Variants in AGPAT5 observed in about 807,000 individuals in gnomAD.
AGPAT5 encodes 1-acyl-sn-glycerol-3-phosphate acyltransferase epsilon.
In AGPAT5, 46 loss-of-function variants were observed where a neutral mutation model predicts 45.6. The ratio of observed to expected loss-of-function variants is 1.01; its 90% confidence interval spans 0.80 to 1.29. The LOEUF (loss-of-function observed/expected upper bound fraction) is 1.29, where lower values mean the gene tolerates loss of function less well. Ranked by LOEUF, AGPAT5 falls within the 50% of genes most tolerant of loss-of-function variation. AGPAT5 has a pLI of 0.00. For missense variants in AGPAT5, 673 were observed against 450.7 expected, an observed-to-expected ratio of 1.49 and a Z score of -4.47; for synonymous variants, 272 against 167.0, an observed-to-expected ratio of 1.63 and a Z score of -4.85.
At chr8:6,732,136 T>C (rs138391492) in intron 3 of AGPAT5, among the ~76,000 whole-genome samples, 2 of 151,622 alleles carry the variant, frequency 1.3e-5, no homozygotes, top group East Asian at 3.9e-4. Flanking sequence ...CACATAAATA[T>C]CTTTAGCAGG....
intron 5 of AGPAT5, chr8:6,745,088 T>C (rs1322964141): frequency 6.6e-6 from 1 of 152,502 alleles, no homozygotes; most frequent in Non-Finnish European, 1.5e-5. Flanking sequence ...TATATTTCTC[T>C]GGAAAGAGTG....
At chr8:6,747,856 C>G in intron 6 of AGPAT5, 28 bp downstream of exon 6, 1 of 1,611,588 alleles carries the variant, frequency 6.2e-7, no homozygotes, top group Non-Finnish European at 8.5e-7. Context: ...CCTGAAATGC[C>G]TGTACACGGT....
At chr8:6,746,700 A>C (rs901928590) in intron 5 of AGPAT5, among the ~76,000 whole-genome samples, 1 of 151,874 alleles carries the variant, frequency 6.6e-6, no homozygotes, top group African/African-American at 2.4e-5. Context: ...GCATTTTAAA[A>C]CCTCTTGTGT....
intron 2 of AGPAT5, among the ~76,000 whole-genome samples, chr8:6,727,307 T>C (rs1800720725): frequency 6.6e-6 from 1 of 152,194 alleles, no homozygotes; most frequent in African/African-American, 2.4e-5. Flanking sequence ...GTTAGCTTAT[T>C]TCTCTCTCGA....
intron 1 of AGPAT5, among the ~76,000 whole-genome samples, chr8:6,714,798 G>T (rs1342469866): frequency 6.6e-6 from 1 of 152,156 alleles, no homozygotes. Context: ...TACCTATGGG[G>T]ATACCTCTGT....
chr8:6,748,792 A>G lies in AGPAT5; in HGVS notation c.745+964A>G, dbSNP rs151257161. Among the ~76,000 whole-genome samples, 1,195 of 152,200 alleles carry G rather than the reference A, an allele frequency of 7.9e-3. 13 individuals are homozygous for G. The highest frequency in any genetic ancestry group is 0.015 in the South Asian group (71 of 4,820). The stretch of plus-strand genomic sequence containing the variant: ...ATGAGCTTTGTGTTTTTACCTCATC[A>G]GCTGTTTGGGGTTGAGCCACTATGT... On this transcript the variant is annotated intron_variant, in intron 6 of 7. Transcript: ENST00000285518.
intron 5 of AGPAT5, among the ~76,000 whole-genome samples, chr8:6,744,048 A>T (rs557370527): frequency 8.8e-4 from 134 of 152,232 alleles, no homozygotes; most frequent in Admixed American, 2.0e-3. Flanking sequence ...TTTATGTCTC[A>T]AACATCATAT....
intron 4 of AGPAT5, among the ~76,000 whole-genome samples, chr8:6,740,016 A>T (rs1039538809): frequency 1.3e-5 from 2 of 152,020 alleles, no homozygotes; most frequent in African/African-American, 2.4e-5. Context: ...TCACTTGTCC[A>T]TGAAGGGAAG....
intron 7 of AGPAT5, 139 bp from the exon 8 acceptor site, chr8:6,757,024 T>C (rs1001987516): frequency 1.6e-6 from 1 of 638,410 alleles, no homozygotes. Context: ...TAAACCAAGT[T>C]TCTGGATGTT....
At chr8:6,728,594 T>C (rs933504596) in intron 2 of AGPAT5, among the ~76,000 whole-genome samples, 11 of 152,330 alleles carry the variant, frequency 7.2e-5, no homozygotes, top group Admixed American at 5.9e-4. Context: ...TAAAACCATT[T>C]GTTTTAAAAT....
intron 1 of AGPAT5, among the ~76,000 whole-genome samples, chr8:6,720,257 C>CA (rs34687339): frequency 1.3e-5 from 2 of 151,380 alleles, no homozygotes; most frequent in Non-Finnish European, 3.0e-5. Context: ...ATCAACTTAT[C>CA]AAAAAAAAAA....
chr8:6,717,248 C>G (rs1426846224), intron 1 of AGPAT5, among the ~76,000 whole-genome samples: 1 of 152,128 alleles, frequency 6.6e-6, no homozygotes, highest in East Asian at 1.9e-4. Context: ...GAAATCAAAA[C>G]CCCAAATAAG....
Position 6,741,646 on chromosome 8 carries a change from C to T in AGPAT5, c.496-15C>T. ...GCTCACACAAAATAAACCAAATTTGCTCTATGTCCCACAGATGTATCTTGT... is the reference window on the plus strand; with the variant it reads ...GCTCACACAAAATAAACCAAATTTGTTCTATGTCCCACAGATGTATCTTGT... On this transcript the variant is annotated splice_polypyrimidine_tract_variant and intron_variant, in intron 4 of 7. Coordinates refer to ENST00000285518, the MANE Select transcript of AGPAT5 (RefSeq NM_018361.5). The T allele has an allele frequency of 6.4e-7, 1 of 1,563,312 alleles. No individual in the cohort carries two copies. The highest frequency in any genetic ancestry group is 1.2e-5 in the South Asian group (1 of 82,270).
chr8:6,729,834 A>G (rs975620788), intron 2 of AGPAT5, among the ~76,000 whole-genome samples: 2 of 152,156 alleles, frequency 1.3e-5, no homozygotes, highest in African/African-American at 4.8e-5. Context: ...TTAATAACAT[A>G]TTTATTTAAC....
chr8:6,725,080 T>C (rs762048793), intron 2 of AGPAT5, 141 bp downstream of exon 2: 15 of 323,386 alleles, frequency 4.6e-5, no homozygotes, highest in Non-Finnish European at 7.6e-5. Context: ...TCTTGTATTT[T>C]TGTGATTTTA....
chr8:6,712,640 G>A (rs2911983), intron 1 of AGPAT5, among the ~76,000 whole-genome samples: 1 of 151,954 alleles, frequency 6.6e-6, no homozygotes, highest in Non-Finnish European at 1.5e-5. Context: ...CAGAGGATTG[G>A]GTAGGACTCA....
intron 4 of AGPAT5, among the ~76,000 whole-genome samples, chr8:6,740,533 G>T (rs1223233302): frequency 1.3e-5 from 2 of 148,926 alleles, no homozygotes; most frequent in South Asian, 2.1e-4. Flanking sequence ...TAAATATAAA[G>T]ATACATATAA....
At chr8:6,739,241 T>G (rs891542871) in intron 4 of AGPAT5, among the ~76,000 whole-genome samples, 1 of 152,178 alleles carries the variant, frequency 6.6e-6, no homozygotes, top group African/African-American at 2.4e-5. Flanking sequence ...CTAAATTTGT[T>G]CTTTCTTTTC....
intron 4 of AGPAT5, among the ~76,000 whole-genome samples, chr8:6,737,850 C>T (rs932090346): frequency 2.6e-5 from 4 of 152,174 alleles, no homozygotes; most frequent in African/African-American, 7.2e-5. Flanking sequence ...TATGGAGAGA[C>T]GGCTTCTTTC....
Sources: gnomAD v4.1 joint callset for allele counts (sites outside exome capture counted in the v4.1 genomes callset) on GRCh38, gnomAD v4.1.1 for gene constraint, MANE v1.5 for transcripts, NCBI Gene and HGNC (gene_info 2026-07-23, HGNC 2026-07-21) for gene names.